The following PRKCI variants were observed in gnomAD, a reference collection of about 807,000 sequenced individuals.
The protein encoded by PRKCI is protein kinase C iota type.
A neutral mutation model predicts 84.0 loss-of-function variants in PRKCI; 43 were observed. That is an observed-to-expected ratio of 0.51 (90% CI 0.40 to 0.66). The LOEUF is 0.66. Ranked by LOEUF, PRKCI falls within the 30% of genes least tolerant of loss-of-function variation. The pLI is 0.00. For synonymous variants in PRKCI, 216 were observed against 234.4 expected, an observed-to-expected ratio of 0.92 and a Z score of 0.72; for missense variants, 459 against 745.6, an observed-to-expected ratio of 0.62 and a Z score of 4.48.
At chr3:170,269,176 A>G (rs972632405) in intron 5 of PRKCI, among the ~76,000 whole-genome samples, 2 of 152,176 alleles carry the variant, frequency 1.3e-5, no homozygotes, top group African/African-American at 4.8e-5. Context: ...CGGCCTCCCA[A>G]AGTGCTGGGA....
At chr3:170,234,843 C>T (rs1370415560) in intron 1 of PRKCI, among the ~76,000 whole-genome samples, 1 of 152,042 alleles carries the variant, frequency 6.6e-6, no homozygotes, top group African/African-American at 2.4e-5. Context: ...TCCTCTGTTG[C>T]CCAGGCTGGA....
intron 12 of PRKCI, among the ~76,000 whole-genome samples, chr3:170,291,148 A>G (rs902383392): frequency 1.4e-5 from 2 of 145,532 alleles, no homozygotes; most frequent in African/African-American, 5.1e-5. Flanking sequence ...AAAAAAAAAA[A>G]GTGTTCTTAG....
At chr3:170,238,464 C>CT (rs34392317) in intron 2 of PRKCI, among the ~76,000 whole-genome samples, 3,234 of 144,138 alleles carry the variant, frequency 0.022, 50 homozygotes, top group East Asian at 0.085. Context: ...CATCATTACT[C>CT]TTTTTTTTTT....
chr3:170,268,325 C>A (rs1733914520), intron 5 of PRKCI, among the ~76,000 whole-genome samples: 2 of 151,970 alleles, frequency 1.3e-5, no homozygotes, highest in Admixed American at 1.3e-4. Context: ...ATTAAAAATA[C>A]AAAAATTAGC....
At chr3:170,295,270 C>T (rs1196372809) in intron 14 of PRKCI, among the ~76,000 whole-genome samples, 1 of 152,072 alleles carries the variant, frequency 6.6e-6, no homozygotes, top group Non-Finnish European at 1.5e-5. Flanking sequence ...CACCTGTAAT[C>T]CCAGCACTTT....
At chr3:170,292,312 T>C (rs1734571287) in intron 13 of PRKCI, among the ~76,000 whole-genome samples, 1 of 152,138 alleles carries the variant, frequency 6.6e-6, no homozygotes, top group Admixed American at 6.6e-5. Context: ...ATAACTCGCC[T>C]AAGGTCAAGG....
rs528802270 is a variant in PRKCI at position 170,258,005 on chromosome 3, C to T, written c.224-1964C>T. The stretch of plus-strand genomic sequence containing the variant: ...GAGGGAGACTCAGAAACGCCTTTGC[C>T]TGAGAAGAGCTAGGAAATAGAAGGA... On this transcript the variant is annotated intron_variant, in intron 2 of 17. Transcript: ENST00000295797. 3.3e-5 allele frequency among the ~76,000 whole-genome samples: 5 copies of T among 151,456 alleles called. No homozygotes were observed. In the East Asian group the frequency reaches 9.7e-4, roughly 29 times the overall value.
At chr3:170,258,311 A>ACTT (rs201922380) in intron 2 of PRKCI, among the ~76,000 whole-genome samples, 11 of 149,876 alleles carry the variant, frequency 7.3e-5, no homozygotes, top group East Asian at 2.0e-4. Context: ...GCTTTAAATG[A>ACTT]CTTCTTTTTT....
intron 2 of PRKCI, among the ~76,000 whole-genome samples, chr3:170,247,730 C>CAAAAAAAAAAAA (rs72411481): frequency 7.2e-5 from 2 of 27,906 alleles, no homozygotes; most frequent in African/African-American, 2.9e-4. Context: ...AACTCTGTCT[C>CAAAAAAAAAAAA]AAAAAAAAAA....
Position 170,231,746 on chromosome 3 carries a change from T to A in PRKCI, c.102-3484T>A, listed in dbSNP as rs150584366. Among the ~76,000 whole-genome samples, 1,504 of 152,316 alleles carry A rather than the reference T, an allele frequency of 9.9e-3. 13 individuals are homozygous for A. The highest frequency in any genetic ancestry group is 0.014 in the Non-Finnish European group (935 of 68,022). On this transcript the variant is annotated intron_variant, in intron 1 of 17. Transcript: ENST00000295797. Reference sequence around the variant, plus strand: ...TCCCAAAGTGCTAGGATTACAGGTGTGAGCCACTGCGCCCAGCCTTATTTA... The same window carrying A: ...TCCCAAAGTGCTAGGATTACAGGTGAGAGCCACTGCGCCCAGCCTTATTTA...
intron 2 of PRKCI, among the ~76,000 whole-genome samples, chr3:170,247,132 G>T (rs1733306648): frequency 6.6e-6 from 1 of 151,904 alleles, no homozygotes; most frequent in Non-Finnish European, 1.5e-5. Flanking sequence ...TACAGTCATG[G>T]CTCACTGCAG....
At chr3:170,275,002 T>C (rs1023144709) in intron 7 of PRKCI, among the ~76,000 whole-genome samples, 1 of 152,192 alleles carries the variant, frequency 6.6e-6, no homozygotes, top group African/African-American at 2.4e-5. Flanking sequence ...GTTGTGATGC[T>C]TGCTCTCTTT....
intron 1 of PRKCI, among the ~76,000 whole-genome samples, chr3:170,229,687 C>T (rs1222143580): frequency 6.6e-6 from 1 of 152,150 alleles, no homozygotes; most frequent in Non-Finnish European, 1.5e-5. Flanking sequence ...AAGGAACCTC[C>T]TTATATTTAA....
At chr3:170,288,500 G>A (rs1734458593) in intron 12 of PRKCI, among the ~76,000 whole-genome samples, 1 of 152,220 alleles carries the variant, frequency 6.6e-6, no homozygotes, top group South Asian at 2.1e-4. Context: ...TATAATTCCA[G>A]CACTTTGGGA....
At chr3:170,226,625 T>C (rs74791570) in intron 1 of PRKCI, among the ~76,000 whole-genome samples, 1,828 of 152,298 alleles carry the variant, frequency 0.012, 21 homozygotes, top group Non-Finnish European at 0.017. Context: ...AATAAAAGAT[T>C]AACTCTTTGC....
intron 12 of PRKCI, among the ~76,000 whole-genome samples, chr3:170,285,879 A>G (rs1734371463): frequency 6.8e-6 from 1 of 148,034 alleles, no homozygotes; most frequent in African/African-American, 2.5e-5. Context: ...CAAGTAGCTG[A>G]GATTAAGGTG....
At chr3:170,288,388 A>G (rs1734453977) in intron 12 of PRKCI, among the ~76,000 whole-genome samples, 2 of 152,186 alleles carry the variant, frequency 1.3e-5, no homozygotes, top group Non-Finnish European at 2.9e-5. Context: ...TAAATCTGAG[A>G]TCTTTATCGA....
At chr3:170,277,635 A>T (rs906392863) in intron 8 of PRKCI, among the ~76,000 whole-genome samples, 4 of 151,560 alleles carry the variant, frequency 2.6e-5, no homozygotes, top group Non-Finnish European at 5.9e-5. Context: ...CGGAGCTTGC[A>T]GTGAGCAGAG....
chr3:170,286,258 C>T, intron 12 of PRKCI, among the ~76,000 whole-genome samples: 1 of 152,018 alleles, frequency 6.6e-6, no homozygotes, highest in Non-Finnish European at 1.5e-5. Flanking sequence ...AGTTTTCAAT[C>T]ATAAACAATT....
Sources: gnomAD v4.1 joint callset for allele counts (sites outside exome capture counted in the v4.1 genomes callset) on GRCh38, gnomAD v4.1.1 for gene constraint, MANE v1.5 for transcripts, NCBI Gene and HGNC (gene_info 2026-07-23, HGNC 2026-07-21) for gene names.